The following ACTR8 variants were observed in gnomAD, a reference collection of about 807,000 sequenced individuals.
ACTR8 encodes the protein actin-related protein 8.
ACTR8 carries 70 observed loss-of-function variants against 84.3 expected under a neutral mutation model. The ratio of observed to expected loss-of-function variants is 0.83; its 90% CI spans 0.68 to 1.01. The LOEUF is 1.01. Ranked by LOEUF, ACTR8 falls within the 50% of genes least tolerant of loss-of-function variation. The pLI is 0.00. For synonymous variants in ACTR8, 268 were observed against 275.2 expected (o/e 0.97, Z 0.26); for missense variants, 672 against 775.4 (o/e 0.87, Z 1.58).
Position 53,872,523 on chromosome 3 carries a change from G to A in ACTR8, c.1163C>T (p.Ala388Val), listed in dbSNP as rs988976011. 5 of 1,592,858 alleles carry A rather than the reference G, an allele frequency of 3.1e-6. No individual in the cohort carries two copies. Among genetic ancestry groups the A allele is most frequent in the African/African-American group, 2.7e-5 (2 of 73,402 alleles). The change falls in exon 10 of 13, where the codon GCT becomes GTT. Residue 388 changes from alanine to valine, a missense_variant and splice_region_variant. Physicochemically the swap from Ala to Val is moderately conservative, Grantham distance 64 (BLOSUM62 0). Coordinates refer to ENST00000335754, the MANE Select transcript of ACTR8 (RefSeq NM_022899.5). ...QFRLGDEKLQ[A>V]PMALFYPATF... ...TGCGGGGTAAAACAAAGCCATTGGA[G>A]CCTGTACATGAAGAAAAAGAGTGAT...
At chr3:53,880,179 C>G in intron 1 of ACTR8, 70 bp from the exon 2 acceptor site, 1 of 1,459,602 alleles carries the variant, frequency 6.9e-7, no homozygotes, top group Non-Finnish European at 9.4e-7. Flanking sequence ...ACAACATACA[C>G]ATAACAAGCT....
intron 10 of ACTR8, among the ~76,000 whole-genome samples, chr3:53,871,855 C>T (rs1321983933): frequency 6.6e-6 from 1 of 152,184 alleles, no homozygotes; most frequent in Non-Finnish European, 1.5e-5. Context: ...TTAAGGAATT[C>T]TTACTTTCAG....
intron 1 of ACTR8, among the ~76,000 whole-genome samples, chr3:53,880,419 T>C (rs759098836): frequency 3.3e-5 from 5 of 152,210 alleles, no homozygotes; most frequent in Non-Finnish European, 5.9e-5. Context: ...AATGTTGCTA[T>C]AGAATCCGGG....
At chr3:53,860,526 T>C in the ACTR8 span, 3 of 243,520 alleles carry the variant, frequency 1.2e-5, no homozygotes, top group Non-Finnish European at 2.4e-5. Flanking sequence ...AATTACACTT[T>C]ACCTGTGATG....
chr3:53,863,381 G>A (rs1699639761), downstream of ACTR8, among the ~76,000 whole-genome samples: 1 of 151,490 alleles, frequency 6.6e-6, no homozygotes, highest in African/African-American at 2.4e-5. Flanking sequence ...TACATACTCA[G>A]CTCAAGGCAG....
downstream of ACTR8, chr3:53,864,707 T>C (rs1699716651): frequency 7.0e-7 from 1 of 1,433,982 alleles, no homozygotes; most frequent in Admixed American, 1.8e-5. Flanking sequence ...GCCTGCTGTT[T>C]GCTGTTCACA....
At chr3:53,881,390 CA>C (rs1700057456) in intron 1 of ACTR8, among the ~76,000 whole-genome samples, 1 of 152,180 alleles carries the variant, frequency 6.6e-6, no homozygotes, top group Non-Finnish European at 1.5e-5. Flanking sequence ...CACGCTACTG[CA>C]AATAATTTTT....
Position 53,877,358 on chromosome 3 carries a change from G to C in ACTR8, c.540C>G (p.Tyr180Ter), listed in dbSNP as rs753462436. 32 of 1,612,608 alleles carry C rather than the reference G, an allele frequency of 2.0e-5. No homozygotes were observed. The highest frequency in any genetic ancestry group is 2.6e-5 in the Non-Finnish European group (31 of 1,179,620). ...EALYVNPLDC[Y>*]NIHWPIRRGQ... ...CTCTTCTGATAGGCCAGTGAATATT[G>C]TAACAGTCCAGTGGATTAACATACA... is the stretch of plus-strand genomic sequence containing the variant. Residue 180 changes from tyrosine to a stop codon, truncating the protein, a stop_gained, in exon 5 of 13, where the codon TAC (tyrosine) becomes TAG (stop). Transcript: ENST00000335754. LOFTEE classifies it high-confidence loss of function.
chr3:53,864,197 G>C (rs143458638), downstream of ACTR8, among the ~76,000 whole-genome samples: 58 of 152,306 alleles, frequency 3.8e-4, 3 homozygotes, highest in East Asian at 0.011. Flanking sequence ...GATTGTTTTA[G>C]TGAGAGGGAC....
intron 2 of ACTR8, 86 bp from the exon 3 acceptor site, chr3:53,878,553 T>C: frequency 1.2e-6 from 1 of 804,720 alleles, no homozygotes; most frequent in Non-Finnish European, 2.1e-6. Context: ...ATCCAATCTT[T>C]GGAAATGCTC....
Position 53,872,495 on chromosome 3 carries a change from A to C in ACTR8, c.1191T>G (p.Thr397=). ...TCATTTTCTGTCCAACGATTCCAAA[A>C]GTTGCGGGGTAAAACAAAGCCATTG... ...QAPMALFYPA[T]FGIVGQKMTT... is the part of the protein sequence containing the mutation. The change falls in exon 10 of 13, where the codon ACT becomes ACG. Residue 397 remains threonine, a synonymous_variant. Transcript: ENST00000335754. 2 of 1,610,410 alleles carry C rather than the reference A, an allele frequency of 1.2e-6. No homozygotes were observed. The highest frequency in any genetic ancestry group is 1.7e-6 in the Non-Finnish European group (2 of 1,178,750).
downstream of ACTR8, chr3:53,864,967 G>A (rs1191276168): frequency 6.2e-7 from 1 of 1,614,170 alleles, no homozygotes; most frequent in Non-Finnish European, 8.5e-7. Flanking sequence ...GAAGGCAGCA[G>A]ACAAAGTCGT....
Position 53,880,118 on chromosome 3 carries a change from A to G in ACTR8, c.124-9T>C, listed in dbSNP as rs890486250. On this transcript the variant is annotated splice_polypyrimidine_tract_variant and intron_variant, in intron 1 of 12. Coordinates refer to ENST00000335754, the MANE Select transcript of ACTR8 (RefSeq NM_022899.5). ...AAGTTGCTCTGGATTTGCTGCAGAT[A>G]TAAAACATAGATGTGTGACTTTGTA... The G allele has an allele frequency of 1.2e-6, 2 of 1,612,166 alleles. No homozygotes were observed. The highest frequency in any genetic ancestry group is 2.7e-5 in the African/African-American group (2 of 74,916).
Position 53,877,738 on chromosome 3 carries a change from T to C in ACTR8, c.419A>G (p.Asn140Ser). 6.2e-7 allele frequency: 1 copy of C among 1,614,100 alleles called. No individual in the cohort carries two copies. Among genetic ancestry groups the C allele is most frequent in the Non-Finnish European group, 8.5e-7 (1 of 1,179,962 alleles). ...TAAAATTGCAGGTCGCATCTGCTTATTGTAGGAGCGTGCCTGAAAAGAAAA... is the reference window on the plus strand; with the variant it reads ...TAAAATTGCAGGTCGCATCTGCTTACTGTAGGAGCGTGCCTGAAAAGAAAA... ...PVSPEQARSY[N>S]KQMRPAILDH... Residue 140 changes from asparagine (N) to serine (S), a missense_variant, in exon 4 of 13, where the codon AAT becomes AGT. Asn to Ser is a conservative substitution (Grantham distance 46). Transcript: ENST00000335754.
At chr3:53,876,136 C>T in intron 6 of ACTR8, 56 bp from the exon 7 acceptor site, 1 of 1,597,208 alleles carries the variant, frequency 6.3e-7, no homozygotes. Context: ...GGTAAAGATC[C>T]CAAAACAGAT....
chr3:53,882,077 TATC>T lies in ACTR8; in HGVS notation c.22_24del (p.Asp8del). 1 of 1,551,620 alleles carries T rather than the reference TATC, an allele frequency of 6.4e-7. No homozygotes were observed. The highest frequency in any genetic ancestry group is 8.7e-7 in the Non-Finnish European group (1 of 1,146,854). On this transcript the variant is annotated inframe_deletion, in exon 1 of 13. Coordinates refer to ENST00000335754, the MANE Select transcript of ACTR8 (RefSeq NM_022899.5). ...CCGCCCTTCTCCTTTCCGTTCTCCGTATCACCCTTCTCAGCCTGGGTCATTATG... is the reference window on the plus strand; with the variant it reads ...CCGCCCTTCTCCTTTCCGTTCTCCGTACCCTTCTCAGCCTGGGTCATTATG...
At position 53,871,279 on chromosome 3, in the gene ACTR8, T is replaced by C. The variant is rs1277519280; in HGVS notation, c.1520A>G (p.Lys507Arg). ...RKTAISLFEG[K>R]ALGLDKAILH... Reference sequence around the variant, plus strand: ...GATGGCTTTATCCAGGCCCAGGGCTTTTCCTTCAAACAGCGAGATGGCAGT... The same window carrying C: ...GATGGCTTTATCCAGGCCCAGGGCTCTTCCTTCAAACAGCGAGATGGCAGT... Residue 507 changes from lysine (K) to arginine (R), a missense_variant, in exon 11 of 13, where the codon AAA becomes AGA. Transcript: ENST00000335754. The C allele has an allele frequency of 6.2e-7, 1 of 1,614,226 alleles. No individual in the cohort carries two copies. The highest frequency in any genetic ancestry group is 8.5e-7 in the Non-Finnish European group (1 of 1,180,034).
chr3:53,879,816 T>C, intron 2 of ACTR8, 123 bp downstream of exon 2: 2 of 1,005,308 alleles, frequency 2.0e-6, no homozygotes, highest in African/African-American at 1.6e-5. Context: ...ATTAGTGACA[T>C]TATTAATGTT....
At chr3:53,865,011 C>A (rs3733078), downstream of ACTR8, 10 of 1,614,044 alleles carry the variant, frequency 6.2e-6, no homozygotes, top group Non-Finnish European at 6.8e-6. Flanking sequence ...ACAGTGTGTG[C>A]GATGGTACCT....
Sources: gnomAD v4.1 joint callset for allele counts (sites outside exome capture counted in the v4.1 genomes callset) on GRCh38, gnomAD v4.1.1 for gene constraint, MANE v1.5 for transcripts, NCBI Gene and HGNC (gene_info 2026-07-23, HGNC 2026-07-21) for gene names.